Variants in OR51B5 observed in about 807,000 individuals in gnomAD.
OR51B5 encodes olfactory receptor family 51 subfamily B member 5, also known as olfactory receptor 51B5.
For missense variants in OR51B5, 456 were observed against 374.6 expected (o/e 1.22, Z -1.79); for synonymous variants, 186 against 144.8 (o/e 1.28, Z -2.04).
intron 1 of OR51B5, chr11:5,402,538 C>A: frequency 2.4e-6 from 1 of 410,322 alleles, no homozygotes; most frequent in South Asian, 1.9e-5. Context: ...ATGATGTCAT[C>A]TCACTAGTTT....
chr11:5,417,738 C>T (rs1346950836), intron 1 of OR51B5, among the ~76,000 whole-genome samples: 1 of 150,808 alleles, frequency 6.6e-6, no homozygotes, highest in African/African-American at 2.4e-5. Context: ...CATCTCACAC[C>T]AGTTAGAATG....
chr11:5,423,054 C>T (rs762716502), intron 1 of OR51B5: 2 of 1,613,968 alleles, frequency 1.2e-6, no homozygotes, highest in South Asian at 1.1e-5. Flanking sequence ...TACCTGCTGG[C>T]ACCCCCGGTG....
chr11:5,412,641 C>T (rs149711753), intron 1 of OR51B5, among the ~76,000 whole-genome samples: 19,397 of 152,262 alleles, frequency 0.13, 1,356 homozygotes, highest in East Asian at 0.24. Flanking sequence ...GAGATTATAT[C>T]CTGCACATGG....
rs557567059 is a variant in OR51B5 at position 5,470,311 on chromosome 11, C to A, written n.84+35258G>T. On this transcript the variant is annotated intron_variant and non_coding_transcript_variant, in intron 1 of 4. Transcript: ENST00000415970. Reference sequence around the variant, plus strand: ...CCCACCCATTATCACTTCTTCCCCCCGAGGATCAATTTTGGGAGTTACTAT... The same window carrying A: ...CCCACCCATTATCACTTCTTCCCCCAGAGGATCAATTTTGGGAGTTACTAT... Among the ~76,000 whole-genome samples, 5 of 152,252 alleles carry A rather than the reference C, an allele frequency of 3.3e-5. No homozygotes were observed. In the South Asian group the frequency reaches 1.0e-3, roughly 32 times the overall value.
chr11:5,407,248 T>C (rs1260848340), intron 1 of OR51B5, among the ~76,000 whole-genome samples: 1 of 152,210 alleles, frequency 6.6e-6, no homozygotes, highest in Non-Finnish European at 1.5e-5. Context: ...GAATATTCTA[T>C]GCCAATTAAA....
At chr11:5,393,813 T>C (rs1849830812) in intron 1 of OR51B5, among the ~76,000 whole-genome samples, 1 of 152,182 alleles carries the variant, frequency 6.6e-6, no homozygotes, top group Non-Finnish European at 1.5e-5. Context: ...CTTTCCTTAG[T>C]TAAATCATTA....
chr11:5,404,758 C>T (rs1278771413), intron 1 of OR51B5, among the ~76,000 whole-genome samples: 1 of 152,200 alleles, frequency 6.6e-6, no homozygotes, highest in Non-Finnish European at 1.5e-5. Context: ...CAGCTTCACT[C>T]CTGAAGTCAG....
chr11:5,477,455 C>G (rs1434852552), intron 1 of OR51B5, among the ~76,000 whole-genome samples: 1 of 152,126 alleles, frequency 6.6e-6, no homozygotes, highest in East Asian at 1.9e-4. Context: ...CAAAATCTAT[C>G]CTCTTTCTGT....
At chr11:5,462,210 A>G (rs1312939190) in intron 1 of OR51B5, among the ~76,000 whole-genome samples, 1 of 152,128 alleles carries the variant, frequency 6.6e-6, no homozygotes, top group African/African-American at 2.4e-5. Context: ...GAGGGAGGAG[A>G]CACTCAGAAT....
intron 1 of OR51B5, among the ~76,000 whole-genome samples, chr11:5,364,002 A>C (rs1035942581): frequency 5.9e-5 from 9 of 152,218 alleles, no homozygotes; most frequent in Non-Finnish European, 1.3e-4. Context: ...ACAGGGCTTC[A>C]CAACAGTGTA....
chr11:5,435,446 T>C (rs1299442899), intron 1 of OR51B5, among the ~76,000 whole-genome samples: 9 of 152,230 alleles, frequency 5.9e-5, no homozygotes, highest in Admixed American at 5.9e-4. Context: ...AATTATCTAA[T>C]GTCTGTATCC....
intron 1 of OR51B5, among the ~76,000 whole-genome samples, chr11:5,437,779 T>A (rs1187284378): frequency 6.6e-6 from 1 of 152,212 alleles, no homozygotes; most frequent in Non-Finnish European, 1.5e-5. Context: ...CCAAACAGAT[T>A]CTTTTTCCCA....
intron 1 of OR51B5, among the ~76,000 whole-genome samples, chr11:5,432,069 ATTG>A (rs1850542812): frequency 6.6e-6 from 1 of 152,194 alleles, no homozygotes; most frequent in South Asian, 2.1e-4. Flanking sequence ...AAAAATATGC[ATTG>A]TTGTTAACTC....
chr11:5,376,459 A>C (rs1307022836), intron 1 of OR51B5, among the ~76,000 whole-genome samples: 6 of 152,154 alleles, frequency 3.9e-5, no homozygotes, highest in African/African-American at 1.2e-4. Flanking sequence ...AAATAACTAA[A>C]ATCAGAGCAG....
At chr11:5,489,728 GAC>G (rs1239835991) in intron 1 of OR51B5, 2 of 1,053,068 alleles carry the variant, frequency 1.9e-6, no homozygotes, top group African/African-American at 3.2e-5. Flanking sequence ...CATTTACATG[GAC>G]ACACAGTGAT....
intron 1 of OR51B5, among the ~76,000 whole-genome samples, chr11:5,452,399 G>A (rs544565502): frequency 9.4e-4 from 142 of 151,060 alleles, no homozygotes; most frequent in African/African-American, 3.1e-3. Context: ...CCAACTACTC[G>A]GGAGGCTGAG....
chr11:5,486,347 G>C (rs572339364), intron 1 of OR51B5, among the ~76,000 whole-genome samples: 1 of 151,906 alleles, frequency 6.6e-6, no homozygotes, highest in Non-Finnish European at 1.5e-5. Flanking sequence ...GCTCTTTCAC[G>C]GCAGGGATTT....
At chr11:5,380,750 G>T (rs534827960) in intron 1 of OR51B5, among the ~76,000 whole-genome samples, 2 of 152,270 alleles carry the variant, frequency 1.3e-5, no homozygotes, top group East Asian at 3.9e-4. Flanking sequence ...TCTATTTTGT[G>T]CATGAGAGAG....
chr11:5,395,786 A>T (rs1399184045), intron 1 of OR51B5, among the ~76,000 whole-genome samples: 1 of 152,112 alleles, frequency 6.6e-6, no homozygotes, highest in Non-Finnish European at 1.5e-5. Context: ...TTGTCCAAAA[A>T]CCTGTGCAAG....
Sources: allele counts gnomAD v4.1 joint callset (sites outside exome capture counted in the v4.1 genomes callset), GRCh38; gene constraint gnomAD v4.1.1; transcripts MANE v1.5; gene names NCBI Gene and HGNC (gene_info 2026-07-23, HGNC 2026-07-21).